UNC5D: variants seen among roughly 807,000 people sequenced by gnomAD.
UNC5D encodes unc-5 netrin receptor D.
UNC5D carries 39 observed loss-of-function variants against 105.4 expected under a neutral mutation model. That is an observed-to-expected ratio of 0.37 (90% CI 0.29 to 0.48). The LOEUF (loss-of-function observed/expected upper bound fraction) is 0.48. UNC5D is among the 20% of genes least tolerant of loss of function. The probability of loss-of-function intolerance (pLI) is 0.98; values close to 1 mark genes in which losing one functional copy is unlikely to be tolerated. For missense variants in UNC5D, 991 were observed against 1,202.4 expected (o/e 0.82, Z 2.60); for synonymous variants, 452 against 450.4 (o/e 1.00, Z -0.04).
intron 1 of UNC5D, among the ~76,000 whole-genome samples, chr8:35,252,599 A>G (rs1803783764): frequency 6.6e-6 from 1 of 152,054 alleles, no homozygotes; most frequent in African/African-American, 2.4e-5. Context: ...TAGTTGATTC[A>G]CTTCCCTGAA....
At chr8:35,238,026 G>A (rs1226911223) in intron 1 of UNC5D, among the ~76,000 whole-genome samples, 1 of 152,176 alleles carries the variant, frequency 6.6e-6, no homozygotes, top group African/African-American at 2.4e-5. Flanking sequence ...TACTCTCTAG[G>A]ATTAGCCCTA....
intron 1 of UNC5D, among the ~76,000 whole-genome samples, chr8:35,385,740 C>T (rs752503127): frequency 1.1e-4 from 16 of 152,182 alleles, no homozygotes; most frequent in Non-Finnish European, 2.4e-4. Context: ...GCTGGGATTA[C>T]AGGCGTGAAC....
At chr8:35,286,828 C>T (rs2128856846) in intron 1 of UNC5D, among the ~76,000 whole-genome samples, 1 of 152,208 alleles carries the variant, frequency 6.6e-6, no homozygotes, top group Middle Eastern at 3.4e-3. Flanking sequence ...GAGTAACAAC[C>T]ACAAAAATCT....
At chr8:35,728,095 A>AAAAAAAAATATATATATAT (rs34672872) in intron 10 of UNC5D, among the ~76,000 whole-genome samples, 2 of 110,362 alleles carry the variant, frequency 1.8e-5, no homozygotes, top group African/African-American at 1.1e-4. Flanking sequence ...AAAAAAAAAA[A>AAAAAAAAATATATATATAT]ATATATATAT....
intron 1 of UNC5D, among the ~76,000 whole-genome samples, chr8:35,540,228 T>G (rs1815169948): frequency 6.6e-6 from 1 of 152,208 alleles, no homozygotes; most frequent in Non-Finnish European, 1.5e-5. Context: ...AAACTCCATC[T>G]CCATATTCTC....
intron 4 of UNC5D, among the ~76,000 whole-genome samples, chr8:35,662,093 A>G (rs1427768248): frequency 2.0e-5 from 3 of 151,412 alleles, no homozygotes; most frequent in Admixed American, 6.6e-5. Flanking sequence ...ATGTGTATCC[A>G]TTCCAGCATT....
intron 1 of UNC5D, among the ~76,000 whole-genome samples, chr8:35,495,481 A>G (rs1397785586): frequency 6.8e-6 from 1 of 146,194 alleles, no homozygotes; most frequent in African/African-American, 2.5e-5. Context: ...AAAAAAAAAA[A>G]GCAAAAAAAT....
intron 1 of UNC5D, among the ~76,000 whole-genome samples, chr8:35,483,596 C>A (rs1334320764): frequency 6.6e-6 from 1 of 152,072 alleles, no homozygotes; most frequent in African/African-American, 2.4e-5. Context: ...TGTGTTTGAC[C>A]ACTTCTACAT....
At chr8:35,606,372 G>T (rs556692464) in intron 4 of UNC5D, among the ~76,000 whole-genome samples, 2 of 152,276 alleles carry the variant, frequency 1.3e-5, no homozygotes, top group African/African-American at 4.8e-5. Flanking sequence ...TTCTTATTAA[G>T]GAGAGTCTGG....
intron 1 of UNC5D, among the ~76,000 whole-genome samples, chr8:35,467,242 A>G (rs1426508172): frequency 1.3e-5 from 2 of 152,154 alleles, no homozygotes; most frequent in East Asian, 1.9e-4. Context: ...CTGGATGGAT[A>G]GTTTGTAATT....
At chr8:35,566,693 A>G (rs1304035928) in intron 2 of UNC5D, among the ~76,000 whole-genome samples, 1 of 152,206 alleles carries the variant, frequency 6.6e-6, no homozygotes, top group Non-Finnish European at 1.5e-5. Context: ...GTAGGGACAC[A>G]ATAGCATGCA....
At chr8:35,695,718 T>C (rs1370235882) in intron 7 of UNC5D, among the ~76,000 whole-genome samples, 2 of 128,978 alleles carry the variant, frequency 1.6e-5, no homozygotes, top group Non-Finnish European at 3.1e-5. Context: ...ATATTATTTA[T>C]TTATTTATTT....
intron 11 of UNC5D, among the ~76,000 whole-genome samples, chr8:35,742,809 C>A (rs932241605): frequency 5.3e-5 from 8 of 152,146 alleles, no homozygotes; most frequent in Non-Finnish European, 1.0e-4. Context: ...TTCAACATGA[C>A]CTCTGGTTGG....
intron 4 of UNC5D, among the ~76,000 whole-genome samples, chr8:35,668,904 A>G (rs1289540651): frequency 6.6e-6 from 1 of 151,924 alleles, no homozygotes; most frequent in Admixed American, 6.6e-5. Flanking sequence ...CTTGGTTTTC[A>G]TGATTCATGA....
At chr8:35,408,710 C>T (rs1238629401) in intron 1 of UNC5D, among the ~76,000 whole-genome samples, 2 of 151,306 alleles carry the variant, frequency 1.3e-5, no homozygotes, top group East Asian at 1.9e-4. Context: ...CCACATTCAC[C>T]CATAAAACTT....
At chr8:35,682,936 C>G (rs775272878) in intron 4 of UNC5D, among the ~76,000 whole-genome samples, 1 of 152,106 alleles carries the variant, frequency 6.6e-6, no homozygotes, top group Non-Finnish European at 1.5e-5. Flanking sequence ...AATGTCTCTT[C>G]GATCACTGGA....
chr8:35,709,997 C>T (rs1827842590), intron 8 of UNC5D, among the ~76,000 whole-genome samples: 2 of 152,180 alleles, frequency 1.3e-5, no homozygotes, highest in Admixed American at 1.3e-4. Context: ...CTTTGACTTT[C>T]ACTCTGAGGA....
At chr8:35,656,479 A>G (rs1192803052) in intron 4 of UNC5D, among the ~76,000 whole-genome samples, 1 of 151,996 alleles carries the variant, frequency 6.6e-6, no homozygotes, top group Non-Finnish European at 1.5e-5. Flanking sequence ...CCCATCATCC[A>G]AGGGAAAAGC....
chr8:35,525,842 G>A lies in UNC5D; in HGVS notation c.104-23450G>A, dbSNP rs894018496. ...AGAAAAGCAATGTGTTACTTCAAAG[G>A]CATTTAGTCATAGTAAAATCCAGTT... On this transcript the variant is annotated intron_variant, in intron 1 of 16. Coordinates refer to ENST00000404895, the MANE Select transcript of UNC5D (RefSeq NM_080872.4). 19 of 1,341,116 alleles carry A rather than the reference G, an allele frequency of 1.4e-5. 1 individual carries two copies. The African/African-American group carries it at 2.5e-4, about 18-fold the overall frequency. 83.1% of individuals were successfully genotyped at this position (1,341,116 alleles called of 1,614,324 possible). A position where few individuals can be genotyped will look rare whatever the true frequency, so the allele number is the denominator to read the frequency against.
Sources: gnomAD v4.1 joint callset for allele counts (sites outside exome capture counted in the v4.1 genomes callset) on GRCh38, gnomAD v4.1.1 for gene constraint, MANE v1.5 for transcripts, NCBI Gene and HGNC (gene_info 2026-07-23, HGNC 2026-07-21) for gene names.